The following LANCL2 variants were observed in gnomAD, a reference collection of about 807,000 sequenced individuals.
LANCL2 encodes LanC like glutathione S-transferase 2.
LANCL2 carries 33 observed loss-of-function variants against 56.9 expected under a neutral mutation model. The observed-to-expected ratio is 0.58, with a 90% CI of 0.44 to 0.78. The LOEUF is 0.78. Among genes scored for constraint, LANCL2 ranks in the 30% least tolerant of loss-of-function variants. The probability of loss-of-function intolerance (pLI) is 0.00; values close to 1 mark genes in which losing one functional copy is unlikely to be tolerated. For missense variants in LANCL2, 562 were observed against 580.2 expected, an observed-to-expected ratio of 0.97 and a Z score of 0.32; for synonymous variants, 233 against 228.2, an observed-to-expected ratio of 1.02 and a Z score of -0.19.
At chr7:55,387,579 A>G (rs749203168) in intron 1 of LANCL2, among the ~76,000 whole-genome samples, 9 of 151,438 alleles carry the variant, frequency 5.9e-5, no homozygotes, top group Non-Finnish European at 1.0e-4. Context: ...AATTCTGAGT[A>G]AAACTTTTTG....
At position 55,415,247 on chromosome 7, in the gene LANCL2, A is replaced by G. The variant is rs149421283; in HGVS notation, c.1008+3158A>G. ...AAAGGTAAATGCAATGTCCAAAAAA[A>G]GCATATAATACCCCCACCAGGGTGA... On this transcript the variant is annotated intron_variant, in intron 6 of 8. Coordinates refer to ENST00000254770, the MANE Select transcript of LANCL2 (RefSeq NM_018697.4). 2.7e-3 allele frequency among the ~76,000 whole-genome samples: 418 copies of G among 152,320 alleles called. 2 individuals carry two copies. The highest frequency in any genetic ancestry group is 3.9e-3 in the Non-Finnish European group (266 of 68,016).
intron 1 of LANCL2, among the ~76,000 whole-genome samples, chr7:55,379,145 G>A (rs549506477): frequency 7.3e-4 from 103 of 141,058 alleles, no homozygotes; most frequent in Middle Eastern, 3.5e-3. Context: ...GCGAGACTAC[G>A]TCTCAAAAAA....
chr7:55,397,959 G>GA (rs201613404), intron 2 of LANCL2, among the ~76,000 whole-genome samples: 1,883 of 149,196 alleles, frequency 0.013, 37 homozygotes, highest in African/African-American at 0.043. Flanking sequence ...GGGAAAAATA[G>GA]AAAAAAAAAT....
rs1037611743 is a variant in LANCL2 at position 55,431,726 on chromosome 7, T to G, written c.*406T>G. 6.2e-6 allele frequency: 1 copy of G among 160,834 alleles called. No individual in the cohort carries two copies. Among genetic ancestry groups the G allele is most frequent in the Admixed American group, 6.3e-5 (1 of 15,934 alleles). The allele number at this position is 160,834 out of a possible 1,614,324, so 10.0% of individuals were successfully genotyped here. On this transcript the variant is annotated 3_prime_UTR_variant, in exon 9 of 9. Coordinates refer to ENST00000254770, the MANE Select transcript of LANCL2 (RefSeq NM_018697.4). ...AATGAGGGAACAGGTGGTGTCTATC[T>G]TGTATATCAGAAAGATTATCTAGGG...
chr7:55,392,466 T>C (rs1790203106), intron 2 of LANCL2, among the ~76,000 whole-genome samples: 1 of 151,876 alleles, frequency 6.6e-6, no homozygotes, highest in South Asian at 2.1e-4. Flanking sequence ...TCCTCTTGCC[T>C]CAGCCTCCTG....
At chr7:55,410,798 G>T (rs1001343061) in intron 5 of LANCL2, among the ~76,000 whole-genome samples, 1 of 151,936 alleles carries the variant, frequency 6.6e-6, no homozygotes, top group Admixed American at 6.6e-5. Context: ...TAAAGATGTC[G>T]TGTGTTGTGA....
At chr7:55,375,742 C>T (rs973197695) in intron 1 of LANCL2, among the ~76,000 whole-genome samples, 1 of 152,208 alleles carries the variant, frequency 6.6e-6, no homozygotes, top group African/African-American at 2.4e-5. Flanking sequence ...ATCTTCAAGG[C>T]TGCCTTCTCT....
At chr7:55,405,161 C>T (rs963490989) in intron 5 of LANCL2, among the ~76,000 whole-genome samples, 7 of 150,976 alleles carry the variant, frequency 4.6e-5, no homozygotes, top group East Asian at 2.0e-4. Flanking sequence ...AACTCCACTC[C>T]GAGTCAGAAG....
At chr7:55,417,176 T>C (rs1334875659) in intron 6 of LANCL2, among the ~76,000 whole-genome samples, 1 of 152,076 alleles carries the variant, frequency 6.6e-6, no homozygotes, top group Non-Finnish European at 1.5e-5. Context: ...AGATGGGGTT[T>C]CACCGTGTTA....
intron 1 of LANCL2, among the ~76,000 whole-genome samples, chr7:55,375,011 T>C (rs1418114289): frequency 1.3e-5 from 2 of 152,234 alleles, no homozygotes; most frequent in African/African-American, 4.8e-5. Flanking sequence ...ATTAGGAGTG[T>C]AGTAGATGAT....
chr7:55,390,749 C>G (rs978445987), intron 1 of LANCL2, among the ~76,000 whole-genome samples: 29 of 151,086 alleles, frequency 1.9e-4, no homozygotes, highest in Non-Finnish European at 4.1e-4. Flanking sequence ...CCACAGCACT[C>G]CAGCCTGAGC....
At chr7:55,422,989 G>A (rs1385386357) in intron 6 of LANCL2, among the ~76,000 whole-genome samples, 1 of 152,186 alleles carries the variant, frequency 6.6e-6, no homozygotes, top group East Asian at 1.9e-4. Flanking sequence ...GAGCCCTCGG[G>A]TTTTCCTTTG....
At chr7:55,368,635 G>A (rs1789901789) in intron 1 of LANCL2, among the ~76,000 whole-genome samples, 1 of 151,708 alleles carries the variant, frequency 6.6e-6, no homozygotes, top group African/African-American at 2.4e-5. Flanking sequence ...ATCACACTAT[G>A]CACTGTTTTT....
intron 1 of LANCL2, among the ~76,000 whole-genome samples, chr7:55,376,582 C>T (rs1790005799): frequency 6.6e-6 from 1 of 152,226 alleles, no homozygotes; most frequent in Non-Finnish European, 1.5e-5. Flanking sequence ...TCCCCAGCTA[C>T]ACACTTGCCT....
chr7:55,410,048 G>A (rs1033029304), intron 5 of LANCL2, among the ~76,000 whole-genome samples: 3 of 152,180 alleles, frequency 2.0e-5, no homozygotes, highest in South Asian at 4.1e-4. Context: ...TCTGCCACAA[G>A]GGGAAACCTA....
chr7:55,366,368 G>C (rs991639176), intron 1 of LANCL2, 139 bp downstream of exon 1: 22 of 688,750 alleles, frequency 3.2e-5, no homozygotes, highest in African/African-American at 2.9e-4. Context: ...ACCTGTCTCC[G>C]GGCCTTCCCG....
At position 55,432,588 on chromosome 7, in the gene LANCL2, A is replaced by G. The variant is rs974929498; in HGVS notation, c.*1268A>G. The G allele has an allele frequency of 6.6e-6, 1 of 152,220 alleles. No homozygotes were observed. Among genetic ancestry groups the G allele is most frequent in the African/African-American group, 2.4e-5 (1 of 41,470 alleles). The allele number at this position is 152,220 out of a possible 1,614,324, so 9.4% of individuals were successfully genotyped here. On this transcript the variant is annotated 3_prime_UTR_variant, in exon 9 of 9. Coordinates refer to ENST00000254770, the MANE Select transcript of LANCL2 (RefSeq NM_018697.4). ...GCTAAGGCTTGTGTCATGAAAGACA[A>G]GAGGCCTCTCTTAACAGCCCAGTCC...
intron 1 of LANCL2, among the ~76,000 whole-genome samples, chr7:55,387,181 G>A (rs936397972): frequency 6.6e-6 from 1 of 152,156 alleles, no homozygotes; most frequent in African/African-American, 2.4e-5. Flanking sequence ...CACAGGAAGA[G>A]TGTGTTTAGG....
intron 2 of LANCL2, among the ~76,000 whole-genome samples, chr7:55,395,148 T>G (rs1252824682): frequency 6.6e-6 from 1 of 152,148 alleles, no homozygotes; most frequent in Non-Finnish European, 1.5e-5. Flanking sequence ...TTAACCATTT[T>G]CCCCTTCCAG....
Sources: allele counts gnomAD v4.1 joint callset (sites outside exome capture counted in the v4.1 genomes callset), GRCh38; gene constraint gnomAD v4.1.1; transcripts MANE v1.5; gene names NCBI Gene and HGNC (gene_info 2026-07-23, HGNC 2026-07-21).